DLGAP1: variants seen among roughly 807,000 people sequenced by gnomAD.
DLGAP1 encodes the protein DLG associated protein 1, also known as disks large-associated protein 1.
Under a neutral mutation model 90.8 loss-of-function variants are expected in DLGAP1, and 11 were observed. The observed-to-expected ratio is 0.12, with a 90% confidence interval of 0.08 to 0.20. The LOEUF (loss-of-function observed/expected upper bound fraction) is 0.20, where lower values mean the gene tolerates loss of function less well. Among genes scored for constraint, DLGAP1 ranks in the 10% least tolerant of loss-of-function variants. The pLI is 1.00. For missense variants in DLGAP1, 1,050 were observed against 1,333.8 expected (o/e 0.79, Z 3.31); for synonymous variants, 558 against 540.7 (o/e 1.03, Z -0.44).
chr18:4,055,887 G>A (rs74618910), intron 2 of DLGAP1, among the ~76,000 whole-genome samples: 5,618 of 152,116 alleles, frequency 0.037, 189 homozygotes, highest in African/African-American at 0.082. Flanking sequence ...AGTAAGAAAG[G>A]TGAGATGTGC....
At chr18:4,398,858 T>C (rs575188321) in intron 1 of DLGAP1, among the ~76,000 whole-genome samples, 20 of 152,242 alleles carry the variant, frequency 1.3e-4, no homozygotes, top group African/African-American at 4.3e-4. Flanking sequence ...TTTGAGACAG[T>C]GTCTCACTCT....
intron 1 of DLGAP1, among the ~76,000 whole-genome samples, chr18:4,275,535 GTA>G (rs748758481): frequency 5.3e-4 from 80 of 151,404 alleles, no homozygotes; most frequent in Middle Eastern, 3.5e-3. Flanking sequence ...TGTTTATTAT[GTA>G]TATGTTTTGG....
intron 5 of DLGAP1, among the ~76,000 whole-genome samples, chr18:3,813,537 A>G (rs950772488): frequency 6.6e-6 from 1 of 152,212 alleles, no homozygotes; most frequent in African/African-American, 2.4e-5. Flanking sequence ...TGTAATACAT[A>G]TCGAGTGCCC....
At chr18:3,620,545 TTTATTA>T (rs4065327) in intron 7 of DLGAP1, among the ~76,000 whole-genome samples, 4 of 149,924 alleles carry the variant, frequency 2.7e-5, no homozygotes, top group South Asian at 2.1e-4. Context: ...GCTATCACAT[TTTATTA>T]TTATTATTAT....
chr18:3,552,066 C>T (rs963187273), intron 9 of DLGAP1, among the ~76,000 whole-genome samples: 3 of 151,810 alleles, frequency 2.0e-5, no homozygotes, highest in African/African-American at 7.3e-5. Flanking sequence ...CCTTGGCCTC[C>T]TAAAGACCTG....
chr18:4,255,949 C>T (rs532533918), intron 1 of DLGAP1, among the ~76,000 whole-genome samples: 1 of 152,176 alleles, frequency 6.6e-6, no homozygotes, highest in East Asian at 1.9e-4. Flanking sequence ...TCCGATTTTA[C>T]CACCCTAACC....
chr18:4,195,292 G>A (rs12961141), intron 1 of DLGAP1, among the ~76,000 whole-genome samples: 18,662 of 151,638 alleles, frequency 0.12, 1,367 homozygotes, highest in South Asian at 0.28. Flanking sequence ...TTTTAACTTC[G>A]TGAGCAACTA....
intron 4 of DLGAP1, among the ~76,000 whole-genome samples, chr18:3,834,039 G>T (rs547774774): frequency 6.6e-6 from 1 of 152,242 alleles, no homozygotes; most frequent in South Asian, 2.1e-4. Flanking sequence ...GGGCGTGGTG[G>T]TTCACACCTG....
At chr18:3,700,668 G>A (rs530645366) in intron 7 of DLGAP1, among the ~76,000 whole-genome samples, 16 of 150,992 alleles carry the variant, frequency 1.1e-4, no homozygotes, top group Non-Finnish European at 2.2e-4. Flanking sequence ...GGAGTGCAGT[G>A]GTGTGATCTC....
intron 9 of DLGAP1, among the ~76,000 whole-genome samples, chr18:3,564,292 G>A (rs539649048): frequency 1.3e-5 from 2 of 152,302 alleles, no homozygotes; most frequent in South Asian, 4.1e-4. Context: ...AACTTCATCA[G>A]TGTTTCTCAG....
At position 3,638,048 on chromosome 18, in the gene DLGAP1, G is replaced by A. The variant is rs1245889945; in HGVS notation, c.1592-55800C>T. On this transcript the variant is annotated intron_variant, in intron 7 of 12. Transcript: ENST00000315677. The stretch of plus-strand genomic sequence containing the variant: ...TGCAAGCTCCGCCTCCCGGGTTCCC[G>A]CCATTCTCCTGCCTCAGCCTCCCGG... Among the ~76,000 whole-genome samples the A allele has an allele frequency of 4.1e-5, 6 of 145,280 alleles. No individual in the cohort carries two copies. In the South Asian group the frequency reaches 6.8e-4, roughly 16 times the overall value.
chr18:3,838,057 A>G (rs1002614489), intron 4 of DLGAP1, among the ~76,000 whole-genome samples: 8 of 152,116 alleles, frequency 5.3e-5, no homozygotes, highest in African/African-American at 1.9e-4. Context: ...AATGGGGAGA[A>G]GAGAGAAATA....
chr18:3,706,022 C>T (rs1475090225), intron 7 of DLGAP1, among the ~76,000 whole-genome samples: 1 of 134,850 alleles, frequency 7.4e-6, no homozygotes, highest in East Asian at 2.2e-4. Flanking sequence ...CTCACTCTGT[C>T]GCCCAGGCTG....
At chr18:4,244,845 T>A (rs1200774616) in intron 1 of DLGAP1, among the ~76,000 whole-genome samples, 1 of 152,186 alleles carries the variant, frequency 6.6e-6, no homozygotes. Context: ...TCCGCTATCA[T>A]CCAGTGTAAC....
intron 3 of DLGAP1, among the ~76,000 whole-genome samples, chr18:3,895,417 T>A (rs2071597032): frequency 6.6e-6 from 1 of 152,182 alleles, no homozygotes; most frequent in Non-Finnish European, 1.5e-5. Context: ...GATACCTCTG[T>A]ATTATGTAAA....
intron 1 of DLGAP1, among the ~76,000 whole-genome samples, chr18:4,251,004 A>C (rs1012693224): frequency 1.3e-5 from 2 of 152,182 alleles, no homozygotes; most frequent in African/African-American, 2.4e-5. Flanking sequence ...AAAACACAAG[A>C]AGAATTTACA....
Position 3,517,545 on chromosome 18 carries a change from C to T in DLGAP1, c.2480-8884G>A, listed in dbSNP as rs962528019. 8.5e-5 allele frequency among the ~76,000 whole-genome samples: 13 copies of T among 152,166 alleles called. No homozygotes were observed. Among genetic ancestry groups the T allele is most frequent in the Non-Finnish European group, 1.8e-4 (12 of 68,038 alleles). ...AGAATTGAAGAGAGTTGGCCGGGCG[C>T]GGTGGCTCATGCCTGTAATCCCAGC... is the stretch of plus-strand genomic sequence containing the variant. On this transcript the variant is annotated intron_variant, in intron 10 of 12. Transcript: ENST00000315677. The surrounding 1 kb of genome is among the most constrained non-coding windows in gnomAD (Gnocchi z 4.1).
At position 4,342,423 on chromosome 18, in the gene DLGAP1, T is replaced by A. The variant is rs1295025178; in HGVS notation, c.-267+112583A>T. ...AAATTGGAAAGGAAATATCTTGCAC[T>A]ACTAAGACTAAATGGTTTTAAAACT... On this transcript the variant is annotated intron_variant, in intron 1 of 12. Coordinates refer to ENST00000315677, the MANE Select transcript of DLGAP1 (RefSeq NM_004746.4). The surrounding 1 kb of genome is among the most constrained non-coding windows in gnomAD (Gnocchi z 5.8). Among the ~76,000 whole-genome samples, 2 of 152,226 alleles carry A rather than the reference T, an allele frequency of 1.3e-5. No individual in the cohort carries two copies. The highest frequency in any genetic ancestry group is 1.3e-4 in the Admixed American group (2 of 15,278).
intron 1 of DLGAP1, among the ~76,000 whole-genome samples, chr18:4,295,655 C>G (rs1423111990): frequency 1.3e-5 from 2 of 152,190 alleles, no homozygotes; most frequent in East Asian, 3.8e-4. Context: ...TACTTCCTAG[C>G]TATGCAACCT....
Sources: allele counts gnomAD v4.1 joint callset (sites outside exome capture counted in the v4.1 genomes callset), GRCh38; gene constraint gnomAD v4.1.1; non-coding constraint Gnocchi (gnomAD v3.1); transcripts MANE v1.5; gene names NCBI Gene and HGNC (gene_info 2026-07-23, HGNC 2026-07-21).